Variants in LHX8 observed in about 807,000 individuals in gnomAD.
The protein encoded by LHX8 is LIM homeobox 8, also known as LIM/homeobox protein Lhx8.
A neutral mutation model predicts 40.3 loss-of-function variants in LHX8; 12 were observed. That is an observed-to-expected ratio of 0.30 (90% CI 0.19 to 0.48). The LOEUF is 0.48. Ranked by LOEUF, LHX8 falls within the 20% of genes least tolerant of loss-of-function variation. The probability of loss-of-function intolerance (pLI) is 0.99; values close to 1 mark genes in which losing one functional copy is unlikely to be tolerated. For missense variants in LHX8, 344 were observed against 433.7 expected, an observed-to-expected ratio of 0.79 and a Z score of 1.84; for synonymous variants, 179 against 162.0, an observed-to-expected ratio of 1.10 and a Z score of -0.80.
intron 1 of LHX8, among the ~76,000 whole-genome samples, chr1:75,135,834 G>A (rs987438719): frequency 6.6e-6 from 1 of 152,164 alleles, no homozygotes; most frequent in African/African-American, 2.4e-5. Context: ...TTTTGCGCTG[G>A]TTAAAAATAA....
At chr1:75,163,950 G>A (rs1257835187), downstream of LHX8, among the ~76,000 whole-genome samples, 3 of 152,132 alleles carry the variant, frequency 2.0e-5, no homozygotes, top group East Asian at 5.8e-4. Flanking sequence ...TATGAGGACT[G>A]GGTCCTCACC....
intron 7 of LHX8, among the ~76,000 whole-genome samples, chr1:75,152,373 C>T (rs1322786579): frequency 3.3e-5 from 5 of 152,140 alleles, no homozygotes; most frequent in African/African-American, 4.8e-5. Flanking sequence ...CCACACACTG[C>T]ATCCAGATAC....
chr1:75,197,060 A>G, the LHX8 span, among the ~76,000 whole-genome samples: 1 of 152,216 alleles, frequency 6.6e-6, no homozygotes, highest in Non-Finnish European at 1.5e-5. Context: ...AACCAAAATT[A>G]TTTTTTAAAG....
intron 7 of LHX8, among the ~76,000 whole-genome samples, chr1:75,154,809 G>T (rs1648711075): frequency 6.6e-6 from 1 of 152,122 alleles, no homozygotes; most frequent in South Asian, 2.1e-4. Flanking sequence ...CCTAAGTCTT[G>T]TCCCAGAAAC....
chr1:75,158,711 A>G (rs1309571771), intron 8 of LHX8, among the ~76,000 whole-genome samples: 2 of 152,068 alleles, frequency 1.3e-5, no homozygotes, highest in African/African-American at 4.8e-5. Context: ...TTATTGGTCT[A>G]TTTATTTTTG....
the LHX8 span, among the ~76,000 whole-genome samples, chr1:75,188,726 A>C: frequency 5.3e-5 from 8 of 152,232 alleles, no homozygotes; most frequent in Non-Finnish European, 1.2e-4. Flanking sequence ...TGCTCCGAAC[A>C]TGTGAGGTCT....
At chr1:75,179,499 G>GTTTTTTTTT in the LHX8 span, among the ~76,000 whole-genome samples, 35 of 107,126 alleles carry the variant, frequency 3.3e-4, no homozygotes, top group Non-Finnish European at 4.1e-4. Flanking sequence ...TGCAACCCCT[G>GTTTTTTTTT]TTGTTTTTTT....
At chr1:75,159,515 C>T in intron 8 of LHX8, 1 of 152,010 alleles carries the variant, frequency 6.6e-6, no homozygotes, top group Non-Finnish European at 1.5e-5. Context: ...AAAAATCATC[C>T]ACCGACTTCT....
At chr1:75,150,274 A>T (rs1244367049) in intron 7 of LHX8, among the ~76,000 whole-genome samples, 3 of 152,208 alleles carry the variant, frequency 2.0e-5, no homozygotes, top group Admixed American at 2.0e-4. Context: ...AAGTCAAAGT[A>T]ATCTTGGGAA....
upstream of LHX8, chr1:75,130,631 G>T: frequency 8.0e-7 from 1 of 1,245,462 alleles, no homozygotes; most frequent in Admixed American, 1.7e-5. Context: ...CTCAGAAACT[G>T]TGGGTAGCAA....
the LHX8 span, among the ~76,000 whole-genome samples, chr1:75,176,320 C>A: frequency 6.6e-6 from 1 of 152,192 alleles, no homozygotes; most frequent in Admixed American, 6.5e-5. Flanking sequence ...TCTCCACATC[C>A]TCTCCAGCAC....
At chr1:75,149,242 G>C (rs1456848902) in intron 7 of LHX8, among the ~76,000 whole-genome samples, 11 of 152,202 alleles carry the variant, frequency 7.2e-5, no homozygotes, top group Non-Finnish European at 1.0e-4. Flanking sequence ...TGATGAATTA[G>C]TGCAAGTTTT....
chr1:75,152,770 T>C (rs1275973569), intron 7 of LHX8, among the ~76,000 whole-genome samples: 1 of 152,198 alleles, frequency 6.6e-6, no homozygotes, highest in East Asian at 1.9e-4. Flanking sequence ...GAGTTCCTTT[T>C]CCCCAACTCA....
chr1:75,169,181 T>G, the LHX8 span, among the ~76,000 whole-genome samples: 3 of 152,120 alleles, frequency 2.0e-5, no homozygotes, highest in African/African-American at 7.2e-5. Flanking sequence ...CCCCTACTCA[T>G]TCACTTGCTC....
the LHX8 span, among the ~76,000 whole-genome samples, chr1:75,186,439 G>A: frequency 6.6e-6 from 1 of 152,182 alleles, no homozygotes; most frequent in Middle Eastern, 3.2e-3. Context: ...AAGTAATGGG[G>A]AAAGGACTCC....
chr1:75,149,970 A>G lies in LHX8; in HGVS notation c.780+1288A>G, dbSNP rs139014189. ...AAGAGTAAATGACTCTGCCAGGCTC[A>G]GTTGCTCACACCTGTAATCCCAGCA... On this transcript the variant is annotated intron_variant, in intron 7 of 8. Coordinates refer to ENST00000356261, the MANE Select transcript of LHX8 (RefSeq NM_001256114.2). 5.4e-3 allele frequency among the ~76,000 whole-genome samples: 822 copies of G among 152,336 alleles called. 11 individuals carry two copies. Among genetic ancestry groups the G allele is most frequent in the African/African-American group, 0.019 (780 of 41,586 alleles).
chr1:75,148,707 T>C, intron 7 of LHX8, 25 bp downstream of exon 7: 1 of 1,529,004 alleles, frequency 6.5e-7, no homozygotes, highest in African/African-American at 1.4e-5. Flanking sequence ...TTTTTTTTTT[T>C]TTAAGGTTTT....
downstream of LHX8, among the ~76,000 whole-genome samples, chr1:75,165,125 T>G (rs1179116251): frequency 6.6e-6 from 1 of 152,226 alleles, no homozygotes; most frequent in African/African-American, 2.4e-5. Flanking sequence ...ATCAAATGTT[T>G]TACTTTAGTA....
the LHX8 span, among the ~76,000 whole-genome samples, chr1:75,188,897 C>A: frequency 6.6e-6 from 1 of 152,160 alleles, no homozygotes; most frequent in East Asian, 1.9e-4. Context: ...CATCTTAACA[C>A]CCTCTATGGA....
Sources: gnomAD v4.1 joint callset for allele counts (sites outside exome capture counted in the v4.1 genomes callset) on GRCh38, gnomAD v4.1.1 for gene constraint, MANE v1.5 for transcripts, NCBI Gene and HGNC (gene_info 2026-07-23, HGNC 2026-07-21) for gene names.